NPR3: variants seen among roughly 807,000 people sequenced by gnomAD.
NPR3 encodes natriuretic peptide receptor 3.
NPR3 carries 34 observed loss-of-function variants against 54.5 expected under a neutral mutation model. The observed-to-expected ratio is 0.62, with a 90% CI of 0.47 to 0.83. The LOEUF (loss-of-function observed/expected upper bound fraction) is 0.83, where lower values mean the gene tolerates loss of function less well. NPR3 is among the 40% of genes least tolerant of loss of function. NPR3 has a pLI of 0.00. For synonymous variants in NPR3, 289 were observed against 297.1 expected (o/e 0.97, Z 0.28); for missense variants, 674 against 720.8 (o/e 0.94, Z 0.74).
intron 3 of NPR3, among the ~76,000 whole-genome samples, chr5:32,747,054 T>C (rs1464947895): frequency 6.6e-6 from 1 of 152,196 alleles, no homozygotes; most frequent in Non-Finnish European, 1.5e-5. Context: ...AAAAATACAT[T>C]CATAGTACTA....
intron 3 of NPR3, among the ~76,000 whole-genome samples, chr5:32,743,652 T>C (rs1198045375): frequency 1.3e-5 from 2 of 152,192 alleles, no homozygotes; most frequent in Non-Finnish European, 2.9e-5. Flanking sequence ...AATATACTTA[T>C]GGTTGAACCT....
chr5:32,742,806 G>T (rs948990783), intron 3 of NPR3, among the ~76,000 whole-genome samples: 1 of 152,078 alleles, frequency 6.6e-6, no homozygotes, highest in South Asian at 2.1e-4. Context: ...CTTCTAATAC[G>T]ATAACTGAAA....
At chr5:32,695,334 G>A (rs1488150447) in intron 1 of NPR3, among the ~76,000 whole-genome samples, 2 of 152,006 alleles carry the variant, frequency 1.3e-5, no homozygotes, top group African/African-American at 4.8e-5. Flanking sequence ...GCACGATCTC[G>A]GCACACTGCA....
At chr5:32,782,826 G>C in intron 5 of NPR3, 67 bp from the exon 6 acceptor site, 1 of 1,460,706 alleles carries the variant, frequency 6.8e-7, no homozygotes. Context: ...AATAGCTGTG[G>C]AAGGCTGCGA....
At chr5:32,693,445 C>G (rs1740450034) in intron 1 of NPR3, among the ~76,000 whole-genome samples, 1 of 152,040 alleles carries the variant, frequency 6.6e-6, no homozygotes, top group South Asian at 2.1e-4. Flanking sequence ...AGAAAAAACT[C>G]CCTTACGGAG....
At chr5:32,728,822 T>A (rs1313251928) in intron 2 of NPR3, among the ~76,000 whole-genome samples, 2 of 32,816 alleles carry the variant, frequency 6.1e-5, no homozygotes, top group African/African-American at 3.5e-4. Context: ...TATTTGTGTG[T>A]GTGTGTGTGT....
intron 3 of NPR3, among the ~76,000 whole-genome samples, chr5:32,763,515 TG>T (rs1255201890): frequency 6.6e-6 from 1 of 151,072 alleles, no homozygotes; most frequent in Non-Finnish European, 1.5e-5. Flanking sequence ...GGTTTGATCA[TG>T]TTGGTCAGGC....
Position 32,779,926 on chromosome 5 carries a change from T to C in NPR3, c.1196-796T>C, listed in dbSNP as rs186255987. 2.0e-5 allele frequency among the ~76,000 whole-genome samples: 3 copies of C among 152,358 alleles called. No homozygotes were observed. The East Asian group carries it at 5.8e-4, about 29-fold the overall frequency. ...GCCTCTTGGTAGGGAGGTACTATTA[T>C]GCCCATTTTACAGTTGTGGAGACTG... On this transcript the variant is annotated intron_variant, in intron 4 of 7. Coordinates refer to ENST00000265074, the MANE Select transcript of NPR3 (RefSeq NM_001204375.2).
chr5:32,773,205 T>C (rs1334748081), intron 3 of NPR3, among the ~76,000 whole-genome samples: 1 of 152,206 alleles, frequency 6.6e-6, no homozygotes, highest in Non-Finnish European at 1.5e-5. Flanking sequence ...TGGCATTTCA[T>C]CACTGACACT....
chr5:32,706,203 G>A (rs774868480), upstream of NPR3, among the ~76,000 whole-genome samples: 75 of 152,174 alleles, frequency 4.9e-4, no homozygotes, highest in Non-Finnish European at 8.5e-4. Flanking sequence ...TTCGCCTTCT[G>A]CCATTCTTGT....
At chr5:32,777,312 G>GCA (rs930534499) in intron 4 of NPR3, among the ~76,000 whole-genome samples, 11 of 152,160 alleles carry the variant, frequency 7.2e-5, no homozygotes, top group South Asian at 4.1e-4. Flanking sequence ...GGTACAAATT[G>GCA]CTGAACCAGG....
rs867273245 is a variant in NPR3, at chr5:32,727,301, T to C, written c.892+2481T>C. ...GCCACCATGCCTGGTTACTTTCTCT[T>C]ATTTTCTTTAGAGACAGGGTTTCAT... On this transcript the variant is annotated intron_variant, in intron 2 of 7. Transcript: ENST00000265074. Among the ~76,000 whole-genome samples the C allele has an allele frequency of 5.9e-5, 9 of 152,076 alleles. No individual in the cohort carries two copies. The South Asian group carries it at 1.5e-3, about 25-fold the overall frequency.
Position 32,774,797 on chromosome 5 carries a change from G to A in NPR3, c.1149G>A (p.Lys383=). The change falls in exon 4 of 8, where the codon AAG becomes AAA. Residue 383 remains lysine, a synonymous_variant. Coordinates refer to ENST00000265074, the MANE Select transcript of NPR3 (RefSeq NM_001204375.2). ...TACTCAGAGCTGGTTACAGCAAAAAGGATGGAGGGAAAATTATACAGCAGA... is the reference window on the plus strand; with the variant it reads ...TACTCAGAGCTGGTTACAGCAAAAAAGATGGAGGGAAAATTATACAGCAGA... ...HEVLRAGYSK[K]DGGKIIQQTW... The A allele has an allele frequency of 1.2e-6, 2 of 1,609,856 alleles. No individual in the cohort carries two copies. Among genetic ancestry groups the A allele is most frequent in the East Asian group, 4.5e-5 (2 of 44,864 alleles).
chr5:32,773,360 A>G (rs1247412156), intron 3 of NPR3, among the ~76,000 whole-genome samples: 6 of 152,186 alleles, frequency 3.9e-5, no homozygotes, highest in African/African-American at 1.4e-4. Context: ...AGAATTTACC[A>G]AAGGTTGCTT....
Position 32,712,287 on chromosome 5 carries a change from T to C in NPR3, c.511T>C (p.Tyr171His). 6.2e-7 allele frequency: 1 copy of C among 1,613,090 alleles called. No homozygotes were observed. ...TGGCTTCCAGCACAAGGACTCTGAG[T>C]ACTCGCACCTCACGCGCGTGGCGCC... ...AAGFQHKDSE[Y>H]SHLTRVAPAY... is the part of the protein sequence containing the mutation. The change falls in exon 1 of 8, where the codon TAC becomes CAC. Residue 171 changes from tyrosine to histidine, a missense_variant. Transcript: ENST00000265074.
intron 2 of NPR3, among the ~76,000 whole-genome samples, chr5:32,728,837 G>A (rs2446109): frequency 0.59 from 26,824 of 45,384 alleles, 8,156 homozygotes; most frequent in Non-Finnish European, 0.61. Context: ...GTGTGTGTGT[G>A]TATATATATA....
At position 32,716,762 on chromosome 5, in the gene NPR3, A is replaced by G. The variant is rs556190217; in HGVS notation, c.769+4217A>G. On this transcript the variant is annotated intron_variant, in intron 1 of 7. Coordinates refer to ENST00000265074, the MANE Select transcript of NPR3 (RefSeq NM_001204375.2). ...CCCTACCTATTTTCCTTGGAGTTAA[A>G]ACAGTCTGTTTTTGTTTATTTGCTT... 1.2e-4 allele frequency: 19 copies of G among 153,794 alleles called. No individual in the cohort carries two copies. In the East Asian group the frequency reaches 3.6e-3, roughly 29 times the overall value. 9.5% of individuals were successfully genotyped at this position (153,794 alleles called of 1,614,324 possible).
At chr5:32,724,258 G>A (rs1016589060) in intron 1 of NPR3, among the ~76,000 whole-genome samples, 6 of 152,224 alleles carry the variant, frequency 3.9e-5, no homozygotes, top group East Asian at 3.9e-4. Context: ...AGCATCACAC[G>A]TTGCAGTCAG....
intron 1 of NPR3, among the ~76,000 whole-genome samples, chr5:32,700,847 C>T (rs1196127704): frequency 6.6e-6 from 1 of 152,170 alleles, no homozygotes; most frequent in South Asian, 2.1e-4. Flanking sequence ...AATAGTGCCA[C>T]AATAAACATA....
Sources: allele counts gnomAD v4.1 joint callset (sites outside exome capture counted in the v4.1 genomes callset), GRCh38; gene constraint gnomAD v4.1.1; transcripts MANE v1.5; gene names NCBI Gene and HGNC (gene_info 2026-07-23, HGNC 2026-07-21).